The following C2 variants were observed in gnomAD, a reference collection of about 807,000 sequenced individuals.
C2 encodes the protein C3/C5 convertase.
In C2, 64 loss-of-function variants were observed where a neutral mutation model predicts 85.2. The observed-to-expected ratio is 0.75, with a 90% CI of 0.61 to 0.92. C2 has a LOEUF of 0.92. C2 is among the 40% of genes least tolerant of loss of function. C2 has a pLI of 0.00. For synonymous variants in C2, 311 were observed against 370.8 expected, an observed-to-expected ratio of 0.84 and a Z score of 1.85; for missense variants, 820 against 971.6, an observed-to-expected ratio of 0.84 and a Z score of 2.07.
chr6:31,942,796 G>T, intron 9 of C2, 163 bp from the exon 10 acceptor site: 1 of 758,452 alleles, frequency 1.3e-6, no homozygotes, highest in East Asian at 2.6e-5. Context: ...TGAAGGGCAG[G>T]GAGTGGCAGG....
chr6:31,900,019 G>T, upstream of C2: 6 of 1,611,874 alleles, frequency 3.7e-6, no homozygotes, highest in Non-Finnish European at 5.1e-6. This position sits in a 1 kb window ranked among gnomAD's most constrained non-coding sequence, Gnocchi z 9.7. Context: ...GCCGCCTAAT[G>T]GCAGGCTTGT....
In C2 at chr6:31,944,875, G is replaced by C. The variant is rs776584975; in HGVS notation, c.2029+22G>C. The C allele has an allele frequency of 1.3e-5, 21 of 1,612,958 alleles. No homozygotes were observed. The highest frequency in any genetic ancestry group is 1.8e-5 in the Non-Finnish European group (21 of 1,180,030). On this transcript the variant is annotated intron_variant, in intron 16 of 17. Coordinates refer to ENST00000299367, the MANE Select transcript of C2 (RefSeq NM_000063.6). The surrounding 1 kb of genome is among the most constrained non-coding windows in gnomAD (Gnocchi z 5.1). ...AAGGGTGAGTCCCTCACCATGCCTG[G>C]ATTCCCAAGGGGAAGGCCACCTGTG...
chr6:31,907,580 C>CA (rs752096679), intron 1 of C2, among the ~76,000 whole-genome samples: 194 of 78,976 alleles, frequency 2.5e-3, no homozygotes, highest in Middle Eastern at 5.9e-3. Context: ...AAGACCCTGT[C>CA]AAAAAAAAAA....
chr6:31,910,037 C>G (rs1208992639), intron 1 of C2, among the ~76,000 whole-genome samples: 1 of 151,504 alleles, frequency 6.6e-6, no homozygotes, highest in Non-Finnish European at 1.5e-5. Context: ...CGCGCCACCA[C>G]GCCTGGCTAA....
upstream of C2, among the ~76,000 whole-genome samples, chr6:31,923,477 A>T (rs920479509): frequency 6.6e-6 from 1 of 151,720 alleles, no homozygotes; most frequent in Non-Finnish European, 1.5e-5. Context: ...TGAGCCTCTT[A>T]TTTTGTTTTT....
At chr6:31,909,674 G>A (rs999699918) in intron 1 of C2, among the ~76,000 whole-genome samples, 4 of 150,398 alleles carry the variant, frequency 2.7e-5, no homozygotes, top group African/African-American at 9.8e-5. Flanking sequence ...AGGCTCAAGC[G>A]ATCCTCCAGC....
At chr6:31,924,984 G>A (rs761837448), upstream of C2, among the ~76,000 whole-genome samples, 1 of 152,132 alleles carries the variant, frequency 6.6e-6, no homozygotes, top group Non-Finnish European at 1.5e-5. Flanking sequence ...GCTAGGCCTC[G>A]AGAGACCTTG....
upstream of C2, chr6:31,900,292 G>A (rs147406577): frequency 1.2e-3 from 1,972 of 1,612,756 alleles, 20 homozygotes; most frequent in African/African-American, 0.024. The surrounding 1 kb of genome is among the most constrained non-coding windows in gnomAD (Gnocchi z 9.7). Flanking sequence ...ACACTTCCGG[G>A]CACTTGGTGC....
chr6:31,916,954 C>T (rs1768571415), upstream of C2, among the ~76,000 whole-genome samples: 1 of 150,244 alleles, frequency 6.7e-6, no homozygotes. Context: ...GGTGGATTAC[C>T]TGAGATCATG....
chr6:31,943,579 A>G lies in C2; in HGVS notation c.1567+52A>G. 6.2e-7 allele frequency: 1 copy of G among 1,608,154 alleles called. No homozygotes were observed. ...TGATCCTGAAGCCACAGATCCTACC[A>G]CCTCACCCAGCCTCTGGCCCCTGCA... On this transcript the variant is annotated intron_variant, in intron 12 of 17. Coordinates refer to ENST00000299367, the MANE Select transcript of C2 (RefSeq NM_000063.6). This position sits in a 1 kb window ranked among gnomAD's most constrained non-coding sequence, Gnocchi z 6.4.
intron 1 of C2, chr6:31,901,373 A>T (rs966843636): frequency 6.7e-6 from 10 of 1,499,288 alleles, no homozygotes; most frequent in Non-Finnish European, 8.9e-6. Flanking sequence ...TGGCTCTCCG[A>T]AGCCAAGGCT....
At chr6:31,913,050 A>T (rs2151714985) in intron 1 of C2, among the ~76,000 whole-genome samples, 1 of 151,900 alleles carries the variant, frequency 6.6e-6, no homozygotes, top group Non-Finnish European at 1.5e-5. Flanking sequence ...AAAAAAAAAA[A>T]AAAGATGTGT....
Position 31,945,651 on chromosome 6 carries a change from A to G in C2, c.*294A>G. ...ATGGAATTTCCCAGTTATGAAATTA[A>G]TAAAAATCAATGGTTTCCACATCTC... On this transcript the variant is annotated 3_prime_UTR_variant, in exon 18 of 18. Transcript: ENST00000299367. The surrounding 1 kb of genome is among the most constrained non-coding windows in gnomAD (Gnocchi z 5.3). The G allele has an allele frequency of 1.8e-6, 1 of 561,408 alleles. No homozygotes were observed. The highest frequency in any genetic ancestry group is 2.2e-5 in the South Asian group (1 of 46,436). The allele number at this position is 561,408 out of a possible 1,614,324, so 34.8% of individuals were successfully genotyped here.
chr6:31,924,501 G>T (rs886301569), upstream of C2, among the ~76,000 whole-genome samples: 5 of 152,128 alleles, frequency 3.3e-5, no homozygotes, highest in African/African-American at 1.2e-4. Context: ...ATACATTGAG[G>T]AGTAAACACT....
upstream of C2, among the ~76,000 whole-genome samples, chr6:31,925,283 C>A (rs767898104): frequency 1.3e-5 from 2 of 151,624 alleles, no homozygotes; most frequent in Non-Finnish European, 2.9e-5. Context: ...GAGAGTCAGC[C>A]GAGTATTGCG....
At chr6:31,936,504 T>C in intron 7 of C2, 1 of 210,252 alleles carries the variant, frequency 4.8e-6, no homozygotes, top group Non-Finnish European at 9.7e-6. Flanking sequence ...ATTTCTTTTT[T>C]CTTCTTCTTT....
Position 31,944,099 on chromosome 6 carries a change from AG to A in C2, c.1811-34del, listed in dbSNP as rs1562617642. 1 of 1,593,422 alleles carries A rather than the reference AG, an allele frequency of 6.3e-7. No individual in the cohort carries two copies. Among genetic ancestry groups the A allele is most frequent in the Non-Finnish European group, 8.6e-7 (1 of 1,162,100 alleles). On this transcript the variant is annotated intron_variant, in intron 14 of 17. Transcript: ENST00000299367. The surrounding 1 kb of genome is among the most constrained non-coding windows in gnomAD (Gnocchi z 5.1). The stretch of plus-strand genomic sequence containing the variant: ...GCCAGGAACCTGGATTCTGGGTAAA[AG>A]GACCAGCACCAACATCCCCTTCTCT...
chr6:31,910,101 G>A (rs1165875533), intron 1 of C2, among the ~76,000 whole-genome samples: 7 of 150,716 alleles, frequency 4.6e-5, no homozygotes, highest in Admixed American at 6.6e-5. Context: ...GGCTGGTCTC[G>A]AACTCCTGAC....
At chr6:31,936,093 G>A (rs1265312112) in intron 7 of C2, 32 bp downstream of exon 7, 1 of 1,611,524 alleles carries the variant, frequency 6.2e-7, no homozygotes, top group East Asian at 2.2e-5. Context: ...GGTGATGAGA[G>A]AGGAGAAGAT....
Sources: allele counts gnomAD v4.1 joint callset (sites outside exome capture counted in the v4.1 genomes callset), GRCh38; gene constraint gnomAD v4.1.1; non-coding constraint Gnocchi (gnomAD v3.1); transcripts MANE v1.5; gene names NCBI Gene and HGNC (gene_info 2026-07-23, HGNC 2026-07-21).